The following PRDM11 variants were observed in gnomAD, a reference collection of about 807,000 sequenced individuals.
PRDM11 encodes the protein PR domain-containing protein 11.
In PRDM11, 20 loss-of-function variants were observed where a neutral mutation model predicts 97.8. The observed-to-expected ratio is 0.20, with a 90% CI of 0.14 to 0.30. PRDM11 has a LOEUF of 0.30. Ranked by LOEUF, PRDM11 falls within the 10% of genes least tolerant of loss-of-function variation. PRDM11 has a pLI of 1.00. For synonymous variants in PRDM11, 599 were observed against 637.7 expected (o/e 0.94, Z 0.91); for missense variants, 1,139 against 1,555.2 (o/e 0.73, Z 4.50).
rs59697803 is a variant in PRDM11 at position 45,163,488 on chromosome 11, TG to T, written c.-7+16620del. On this transcript the variant is annotated intron_variant, in intron 1 of 7. Transcript: ENST00000683152. The stretch of plus-strand genomic sequence containing the variant: ...AAAGGTGGGAGCAGGTGCTTGAGGA[TG>T]GGGGGGGGTACCCGGTGGTCCCAGG... Among the ~76,000 whole-genome samples, 9 of 149,690 alleles carry T rather than the reference TG, an allele frequency of 6.0e-5. No homozygotes were observed. In the East Asian group the frequency reaches 1.2e-3, roughly 20 times the overall value.
rs1854461864 is a variant in PRDM11 at position 45,234,381 on chromosome 11, C to G, written c.*6222C>G. ...CCCCTGTCTTGCTCTTCCCCACCATCCTACAAGTACCTCAGTCTCCAGCAG... is the reference window on the plus strand; with the variant it reads ...CCCCTGTCTTGCTCTTCCCCACCATGCTACAAGTACCTCAGTCTCCAGCAG... On this transcript the variant is annotated 3_prime_UTR_variant, in exon 8 of 8. Transcript: ENST00000683152. 1 of 153,012 alleles carries G rather than the reference C, an allele frequency of 6.5e-6. No homozygotes were observed. The highest frequency in any genetic ancestry group is 2.1e-4 in the South Asian group (1 of 4,844). 9.5% of individuals were successfully genotyped at this position (153,012 alleles called of 1,614,324 possible). A position where few individuals can be genotyped will look rare whatever the true frequency, so the allele number is the denominator to read the frequency against.
chr11:45,182,463 G>A, intron 3 of PRDM11, 114 bp downstream of exon 3: 1 of 957,438 alleles, frequency 1.0e-6, no homozygotes, highest in Non-Finnish European at 1.6e-6. Context: ...CAATATACCA[G>A]GCCCAGGTCC....
intron 4 of PRDM11, among the ~76,000 whole-genome samples, chr11:45,195,457 A>G (rs1254737139): frequency 6.6e-6 from 1 of 152,008 alleles, no homozygotes; most frequent in Non-Finnish European, 1.5e-5. Context: ...GGCCTTTCAT[A>G]TAAATGAGAT....
chr11:45,102,808 G>C (rs1354337937), intron 1 of PRDM11, among the ~76,000 whole-genome samples: 3 of 152,270 alleles, frequency 2.0e-5, no homozygotes, highest in Admixed American at 6.5e-5. Context: ...GGGCAGCCAA[G>C]GTAATCAGTT....
chr11:45,103,984 C>T (rs1852021199), intron 1 of PRDM11, among the ~76,000 whole-genome samples: 1 of 152,092 alleles, frequency 6.6e-6, no homozygotes, highest in African/African-American at 2.4e-5. Flanking sequence ...TTTGCAATGA[C>T]CCTGTAAGTT....
intron 1 of PRDM11, among the ~76,000 whole-genome samples, chr11:45,136,091 A>G (rs1250193178): frequency 6.6e-6 from 1 of 152,230 alleles, no homozygotes; most frequent in Admixed American, 6.5e-5. Context: ...TATTGTACCA[A>G]TGGAATGTGT....
At chr11:45,220,295 T>A (rs1157393621) in intron 6 of PRDM11, among the ~76,000 whole-genome samples, 3 of 152,198 alleles carry the variant, frequency 2.0e-5, no homozygotes, top group African/African-American at 4.8e-5. Context: ...GGTGTTGATA[T>A]ATTTTCCATA....
At chr11:45,119,942 A>G (rs919338474) in intron 1 of PRDM11, among the ~76,000 whole-genome samples, 24 of 152,226 alleles carry the variant, frequency 1.6e-4, no homozygotes, top group African/African-American at 5.6e-4. Context: ...GTTAGCAGTA[A>G]GGACATAAAA....
At chr11:45,210,773 A>G (rs1853702031) in intron 5 of PRDM11, among the ~76,000 whole-genome samples, 1 of 152,196 alleles carries the variant, frequency 6.6e-6, no homozygotes, top group South Asian at 2.1e-4. Flanking sequence ...TCTGAAAACC[A>G]AGGTGGCCCT....
At chr11:45,131,893 G>T (rs183701276) in intron 1 of PRDM11, among the ~76,000 whole-genome samples, 1 of 152,278 alleles carries the variant, frequency 6.6e-6, no homozygotes, top group Non-Finnish European at 1.5e-5. Flanking sequence ...TGTTATCCGG[G>T]ATCTAGATTT....
At chr11:45,212,089 G>A (rs187614197) in intron 5 of PRDM11, among the ~76,000 whole-genome samples, 4 of 152,304 alleles carry the variant, frequency 2.6e-5, no homozygotes, top group Admixed American at 2.0e-4. Context: ...GTAGCCAAGC[G>A]GTTCGATGTG....
chr11:45,143,477 C>T (rs1851447112), upstream of PRDM11, among the ~76,000 whole-genome samples: 1 of 152,022 alleles, frequency 6.6e-6, no homozygotes, highest in African/African-American at 2.4e-5. Context: ...TCATAATGTA[C>T]CTGGCCTTGA....
chr11:45,148,385 G>A (rs1851577191), intron 1 of PRDM11, among the ~76,000 whole-genome samples: 2 of 152,168 alleles, frequency 1.3e-5, no homozygotes, highest in Non-Finnish European at 2.9e-5. Flanking sequence ...AAGATGAAAT[G>A]CCTGTTCCAG....
At chr11:45,190,452 A>G (rs1173586807) in intron 4 of PRDM11, among the ~76,000 whole-genome samples, 1 of 141,382 alleles carries the variant, frequency 7.1e-6, no homozygotes, top group East Asian at 2.0e-4. Flanking sequence ...CCGGCCATAC[A>G]TTCTTTTTTT....
At position 45,228,612 on chromosome 11, in the gene PRDM11, G is replaced by A. The variant is rs1212549360; in HGVS notation, c.*453G>A. The A allele has an allele frequency of 6.6e-6, 1 of 152,084 alleles. No homozygotes were observed. The highest frequency in any genetic ancestry group is 2.4e-5 in the African/African-American group (1 of 41,398). The allele number at this position is 152,084 out of a possible 1,614,324, so 9.4% of individuals were successfully genotyped here. ...CTTTTCTTTTTTCATTTGGTTTTAT[G>A]ATGGGAGGGAGCTCCTCAGCCTCCT... On this transcript the variant is annotated 3_prime_UTR_variant, in exon 8 of 8. Coordinates refer to ENST00000683152, the MANE Select transcript of PRDM11 (RefSeq NM_001384648.1).
rs1854274859 is a variant in PRDM11 at position 45,226,363 on chromosome 11, G to C, written c.1738G>C (p.Glu580Gln). 1 of 1,533,862 alleles carries C rather than the reference G, an allele frequency of 6.5e-7. No individual in the cohort carries two copies. Among genetic ancestry groups the C allele is most frequent in the African/African-American group, 1.4e-5 (1 of 72,982 alleles). Residue 580 changes from glutamate to glutamine, a missense_variant, in exon 8 of 8, where the codon GAG (glutamate) becomes CAG (glutamine). Physicochemically the swap from Glu to Gln is conservative, Grantham distance 29. This residue lies in a region of PRDM11 where 710 missense variants were observed against 1,044.9 expected (regional missense o/e 0.68). Coordinates refer to ENST00000683152, the MANE Select transcript of PRDM11 (RefSeq NM_001384648.1). The part of the protein sequence containing the change: ...LQLYKLRMHP[E>Q]KTEEMCRNMT... The stretch of plus-strand genomic sequence containing the variant: ...ACTGTACAAGCTCCGCATGCACCCG[G>C]AGAAGACAGAGGAGATGTGTCGCAA...
chr11:45,186,647 T>C (rs762579610), intron 4 of PRDM11, among the ~76,000 whole-genome samples: 7 of 152,072 alleles, frequency 4.6e-5, no homozygotes, highest in Non-Finnish European at 7.4e-5. Flanking sequence ...TGCCATGGAT[T>C]AAGGTGTCAG....
At chr11:45,146,565 G>A (rs774897793), upstream of PRDM11, 1 of 152,038 alleles carries the variant, frequency 6.6e-6, no homozygotes, top group Non-Finnish European at 1.5e-5. Flanking sequence ...GGACGCGGCT[G>A]GTGAGTCCCG....
intron 1 of PRDM11, among the ~76,000 whole-genome samples, chr11:45,180,476 GC>G (rs1170798588): frequency 1.3e-5 from 2 of 151,976 alleles, no homozygotes; most frequent in Non-Finnish European, 2.9e-5. Flanking sequence ...TGCGCATCGG[GC>G]CCCGTGGGAG....
Sources: gnomAD v4.1 joint callset for allele counts (sites outside exome capture counted in the v4.1 genomes callset) on GRCh38, gnomAD v4.1.1 for gene constraint, gnomAD v4.1.1 regional missense constraint, MANE v1.5 for transcripts, NCBI Gene and HGNC (gene_info 2026-07-23, HGNC 2026-07-21) for gene names.